Variants in BTAF1 observed in about 807,000 individuals in gnomAD.
BTAF1 encodes the protein TATA-binding protein-associated factor 172.
In BTAF1, 38 loss-of-function variants were observed where a neutral mutation model predicts 227.1. The observed-to-expected ratio is 0.17, with a 90% CI of 0.13 to 0.22. The LOEUF is 0.22. BTAF1 is among the 10% of genes least tolerant of loss of function. The pLI is 1.00. For synonymous variants in BTAF1, 742 were observed against 751.9 expected, an observed-to-expected ratio of 0.99 and a Z score of 0.21; for missense variants, 1,598 against 2,204.0, an observed-to-expected ratio of 0.73 and a Z score of 5.51.
intron 13 of BTAF1, among the ~76,000 whole-genome samples, chr10:91,964,948 C>T (rs764708375): frequency 7.9e-5 from 12 of 152,008 alleles, no homozygotes; most frequent in Non-Finnish European, 1.5e-4. Context: ...CTAGTGAGGG[C>T]GTTCAGTGAA....
rs1481045707 is a variant in BTAF1 at position 91,935,700 on chromosome 10, G to A, written c.58G>A (p.Val20Ile). The A allele has an allele frequency of 1.2e-6, 2 of 1,613,564 alleles. No homozygotes were observed. The highest frequency in any genetic ancestry group is 1.3e-5 in the African/African-American group (1 of 74,902). ...FILLDTGTTP[V>I]TRKAAAQQLG... is the part of the protein sequence containing the mutation. Reference sequence around the variant, plus strand: ...TTTACTGGATACTGGCACTACTCCTGTTACAAGAAAAGCTGCTGCACAGCA... The same window carrying A: ...TTTACTGGATACTGGCACTACTCCTATTACAAGAAAAGCTGCTGCACAGCA... Residue 20 changes from valine (V) to isoleucine (I), a missense_variant, in exon 2 of 38, where the codon GTT (valine) becomes ATT (isoleucine). Physicochemically the swap from Val to Ile is conservative, Grantham distance 29. Coordinates refer to ENST00000265990, the MANE Select transcript of BTAF1 (RefSeq NM_003972.3).
chr10:91,971,337 A>C (rs975625380), intron 14 of BTAF1, among the ~76,000 whole-genome samples: 3 of 152,040 alleles, frequency 2.0e-5, no homozygotes, highest in Non-Finnish European at 2.9e-5. Context: ...TATTATCTTC[A>C]CCACCAAAGA....
rs6144026 is a variant in BTAF1 at position 91,925,516 on chromosome 10, C to CTTTTTTTTTT, written c.14+1430_14+1439dup. ...CCTAATTTTCGGGCAACGCTAATCT[C>CTTTTTTTTTT]TTTTTTTTTTTTTGAGAAGGAATCT... On this transcript the variant is annotated intron_variant, in intron 1 of 37. Transcript: ENST00000265990. Among the ~76,000 whole-genome samples, 542 of 114,542 alleles carry CTTTTTTTTTT rather than the reference C, an allele frequency of 4.7e-3. 39 individuals are homozygous for CTTTTTTTTTT. Among genetic ancestry groups the CTTTTTTTTTT allele is most frequent in the East Asian group, 0.04 (134 of 3,328 alleles). 75.1% of individuals were successfully genotyped at this position (114,542 alleles called of 152,430 possible).
rs533269870 is a variant in BTAF1 at position 91,961,665 on chromosome 10, G to T, written c.1264-873G>T. Among the ~76,000 whole-genome samples, 3 of 152,208 alleles carry T rather than the reference G, an allele frequency of 2.0e-5. No individual in the cohort carries two copies. The South Asian group carries it at 6.2e-4, about 32-fold the overall frequency. On this transcript the variant is annotated intron_variant, in intron 11 of 37. Coordinates refer to ENST00000265990, the MANE Select transcript of BTAF1 (RefSeq NM_003972.3). The stretch of plus-strand genomic sequence containing the variant: ...TGCACTCTAGCCTCTGTAGATAACA[G>T]TAGACTTATATGGAAATGGAAAGCA...
rs1851875972 is a variant in BTAF1, at chr10:92,031,202, T to G, written c.*2269T>G. On this transcript the variant is annotated 3_prime_UTR_variant, in exon 38 of 38. Transcript: ENST00000265990. ...GATTATTAGTCTTATCATTTGGGTT[T>G]CTTGTAGGAAAATCTTAACATTTGG... Among the ~76,000 whole-genome samples the G allele has an allele frequency of 6.6e-6, 1 of 152,222 alleles. No homozygotes were observed. Among genetic ancestry groups the G allele is most frequent in the Admixed American group, 6.5e-5 (1 of 15,282 alleles).
chr10:91,966,890 G>A, intron 14 of BTAF1, 133 bp downstream of exon 14: 1 of 734,306 alleles, frequency 1.4e-6, no homozygotes. Flanking sequence ...TGGTAACCAT[G>A]TAGATGAATA....
At chr10:91,975,232 A>G (rs1235958252) in intron 14 of BTAF1, among the ~76,000 whole-genome samples, 1 of 152,232 alleles carries the variant, frequency 6.6e-6, no homozygotes, top group East Asian at 1.9e-4. Flanking sequence ...TTTGTTTGAA[A>G]GGCAAGCTTA....
chr10:91,973,852 T>A (rs945422794), intron 14 of BTAF1, among the ~76,000 whole-genome samples: 2 of 134,248 alleles, frequency 1.5e-5, no homozygotes, highest in Non-Finnish European at 3.1e-5. Flanking sequence ...TGCAGTGAGC[T>A]GAGATCCCGC....
At chr10:91,992,081 A>G in intron 20 of BTAF1, 38 bp from the exon 21 acceptor site, 1 of 1,496,848 alleles carries the variant, frequency 6.7e-7, no homozygotes, top group South Asian at 1.4e-5. Context: ...TATCACCAAT[A>G]TTATGATTAA....
In BTAF1 at chr10:91,957,306, C is replaced by A. The variant is rs1208965090; in HGVS notation, c.900+13C>A. On this transcript the variant is annotated intron_variant, in intron 8 of 37. Coordinates refer to ENST00000265990, the MANE Select transcript of BTAF1 (RefSeq NM_003972.3). ...TCCCTCCTGGGAGGTAAGATTTCTT[C>A]ATTACAGTTTTTCTCAGCTCTATTT... The A allele has an allele frequency of 6.3e-7, 1 of 1,599,748 alleles. No homozygotes were observed. The highest frequency in any genetic ancestry group is 1.7e-5 in the Admixed American group (1 of 59,644).
At chr10:92,007,922 T>C (rs1414762310) in intron 25 of BTAF1, among the ~76,000 whole-genome samples, 1 of 152,256 alleles carries the variant, frequency 6.6e-6, no homozygotes, top group Non-Finnish European at 1.5e-5. Flanking sequence ...GATTATGGTC[T>C]TTCAGATATT....
rs761613440 is a variant in BTAF1, at chr10:91,989,308, C to T, written c.2582C>T (p.Ala861Val). The change falls in exon 20 of 38, where the codon GCC becomes GTC. Residue 861 changes from alanine (A) to valine (V), a missense_variant. By Grantham distance (64) the Ala-to-Val change is moderately conservative. This residue lies in a region of BTAF1 where 425 missense variants were observed against 491.2 expected (regional missense o/e 0.87). Transcript: ENST00000265990. The part of the protein sequence containing the change: ...VLQLRVHTFA[A>V]CAVVSLQQLP... ...CAGTTGAGAGTGCATACTTTTGCTG[C>T]CTGTGCAGTTGTGAGCTTGCAGCAG... The T allele has an allele frequency of 1.2e-6, 2 of 1,614,090 alleles. No homozygotes were observed. Among genetic ancestry groups the T allele is most frequent in the East Asian group, 2.2e-5 (1 of 44,872 alleles).
chr10:91,997,861 C>A, intron 25 of BTAF1, 110 bp downstream of exon 25: 1 of 1,139,984 alleles, frequency 8.8e-7, no homozygotes, highest in Non-Finnish European at 1.2e-6. Flanking sequence ...GTAATCCCAG[C>A]ACTTTCTGAG....
In BTAF1 at chr10:92,008,974, A is replaced by G. The variant is rs754683384; in HGVS notation, c.3935+24A>G. ...AGGTAATTTAAGATGTTATTTTAAAATAAGGTTTCCGGATTTGGAGAAATG... is the reference window on the plus strand; with the variant it reads ...AGGTAATTTAAGATGTTATTTTAAAGTAAGGTTTCCGGATTTGGAGAAATG... On this transcript the variant is annotated intron_variant, in intron 27 of 37. Transcript: ENST00000265990. The G allele has an allele frequency of 3.1e-6, 5 of 1,611,928 alleles. No homozygotes were observed. In the South Asian group the frequency reaches 5.5e-5, roughly 18 times the overall value.
At chr10:91,998,682 A>G (rs1849300924) in intron 25 of BTAF1, among the ~76,000 whole-genome samples, 1 of 152,194 alleles carries the variant, frequency 6.6e-6, no homozygotes, top group Non-Finnish European at 1.5e-5. Context: ...ATTGTATTCC[A>G]TTGTATGGAC....
At chr10:91,963,929 C>G in intron 12 of BTAF1, 148 bp from the exon 13 acceptor site, 1 of 777,644 alleles carries the variant, frequency 1.3e-6, no homozygotes, top group Non-Finnish European at 2.0e-6. Flanking sequence ...AGTGTGACCT[C>G]CTTAACTTTA....
intron 14 of BTAF1, among the ~76,000 whole-genome samples, chr10:91,974,051 A>G (rs1377425774): frequency 3.3e-5 from 5 of 152,086 alleles, no homozygotes; most frequent in Non-Finnish European, 7.4e-5. Context: ...ACTTCTGCTT[A>G]TGGAGTCATT....
chr10:92,020,449 T>C (rs1851048596), intron 34 of BTAF1, among the ~76,000 whole-genome samples: 2 of 152,244 alleles, frequency 1.3e-5, no homozygotes, highest in Admixed American at 1.3e-4. Flanking sequence ...TTGTAAAATC[T>C]AGACTTTAGT....
At chr10:92,020,919 G>A (rs1564723675) in intron 34 of BTAF1, among the ~76,000 whole-genome samples, 1 of 151,752 alleles carries the variant, frequency 6.6e-6, no homozygotes, top group East Asian at 1.9e-4. Context: ...TCTTATTTTA[G>A]AGTGTGCTTC....
Sources: gnomAD v4.1 joint callset for allele counts (sites outside exome capture counted in the v4.1 genomes callset) on GRCh38, gnomAD v4.1.1 for gene constraint, gnomAD v4.1.1 regional missense constraint, MANE v1.5 for transcripts, NCBI Gene and HGNC (gene_info 2026-07-23, HGNC 2026-07-21) for gene names.